MNAT1: variants seen among roughly 807,000 people sequenced by gnomAD.
MNAT1 encodes the protein MNAT1 component of CDK activating kinase, also known as CDK-activating kinase assembly factor MAT1.
MNAT1 carries 43 observed loss-of-function variants against 42.0 expected under a neutral mutation model. The observed-to-expected ratio is 1.02, with a 90% CI of 0.80 to 1.32. The LOEUF (loss-of-function observed/expected upper bound fraction) is 1.32, where lower values mean the gene tolerates loss of function less well. Among genes scored for constraint, MNAT1 ranks in the 40% most tolerant of loss-of-function variants. MNAT1 has a pLI of 0.00. For missense variants in MNAT1, 306 were observed against 350.4 expected, an observed-to-expected ratio of 0.87 and a Z score of 1.01; for synonymous variants, 118 against 120.0, an observed-to-expected ratio of 0.98 and a Z score of 0.11.
intron 7 of MNAT1, among the ~76,000 whole-genome samples, chr14:60,902,400 C>G (rs756192809): frequency 3.9e-5 from 6 of 152,108 alleles, no homozygotes; most frequent in Non-Finnish European, 8.8e-5. Context: ...TAAATTCTGC[C>G]TACTACAAGC....
intron 1 of MNAT1, among the ~76,000 whole-genome samples, chr14:60,741,506 C>G (rs950433504): frequency 6.6e-6 from 1 of 151,812 alleles, no homozygotes; most frequent in South Asian, 2.1e-4. Context: ...ATTACAGGCA[C>G]GGGCCACCAC....
At chr14:60,846,542 G>A (rs865979310) in intron 6 of MNAT1, among the ~76,000 whole-genome samples, 3 of 151,934 alleles carry the variant, frequency 2.0e-5, no homozygotes, top group South Asian at 4.2e-4. Flanking sequence ...CTAAAAATAG[G>A]CATTTAAAGC....
At chr14:60,850,721 CT>C (rs936509264) in intron 6 of MNAT1, among the ~76,000 whole-genome samples, 1 of 152,088 alleles carries the variant, frequency 6.6e-6, no homozygotes, top group Non-Finnish European at 1.5e-5. Context: ...AGATGAGTTC[CT>C]CCATGGATAA....
At chr14:60,918,542 A>G (rs1004501291) in intron 7 of MNAT1, among the ~76,000 whole-genome samples, 2 of 151,172 alleles carry the variant, frequency 1.3e-5, no homozygotes, top group Non-Finnish European at 2.9e-5. Flanking sequence ...CTCCCTTCCA[A>G]ATACCTTTAT....
intron 7 of MNAT1, among the ~76,000 whole-genome samples, chr14:60,938,967 G>T (rs2036072869): frequency 6.6e-6 from 1 of 152,180 alleles, no homozygotes; most frequent in African/African-American, 2.4e-5. Context: ...TTGGGAGGGT[G>T]TATGTGTCAA....
chr14:60,853,128 C>T (rs1011524590), intron 6 of MNAT1, among the ~76,000 whole-genome samples: 1 of 152,138 alleles, frequency 6.6e-6, no homozygotes, highest in African/African-American at 2.4e-5. Context: ...CTATGAATTT[C>T]TTTGGGCAAT....
chr14:60,907,119 A>C (rs561960069), intron 7 of MNAT1, among the ~76,000 whole-genome samples: 1 of 152,176 alleles, frequency 6.6e-6, no homozygotes, highest in African/African-American at 2.4e-5. Flanking sequence ...GTACATTTGA[A>C]GTAAACAGTG....
At chr14:60,855,352 C>T in intron 6 of MNAT1, among the ~76,000 whole-genome samples, 1 of 152,012 alleles carries the variant, frequency 6.6e-6, no homozygotes, top group Non-Finnish European at 1.5e-5. Context: ...CCAGGTGCCA[C>T]TGGGTTATAA....
At chr14:60,750,039 C>G (rs1456322028) in intron 1 of MNAT1, among the ~76,000 whole-genome samples, 1 of 152,074 alleles carries the variant, frequency 6.6e-6, no homozygotes, top group East Asian at 1.9e-4. Context: ...TTTCTGGGCC[C>G]TACCATAGTC....
intron 7 of MNAT1, among the ~76,000 whole-genome samples, chr14:60,903,746 A>G (rs183410667): frequency 6.6e-5 from 10 of 151,962 alleles, no homozygotes; most frequent in African/African-American, 2.4e-4. Context: ...TTTTGGTCAT[A>G]GTCTTTACCT....
At chr14:60,926,485 C>T (rs1162899699) in intron 7 of MNAT1, among the ~76,000 whole-genome samples, 1 of 152,172 alleles carries the variant, frequency 6.6e-6, no homozygotes, top group Non-Finnish European at 1.5e-5. Flanking sequence ...ACAGACCATT[C>T]GTCAGTTTTG....
intron 1 of MNAT1, among the ~76,000 whole-genome samples, chr14:60,745,096 T>C (rs1427239280): frequency 1.3e-5 from 2 of 152,250 alleles, no homozygotes; most frequent in Non-Finnish European, 2.9e-5. Flanking sequence ...TCTGCCTATT[T>C]GGCTTAGCAC....
chr14:60,878,327 G>A (rs573249417), intron 6 of MNAT1, among the ~76,000 whole-genome samples: 5 of 152,106 alleles, frequency 3.3e-5, no homozygotes, highest in East Asian at 1.9e-4. Flanking sequence ...CTATGTCAGC[G>A]AAATCTTTTT....
In MNAT1 at chr14:60,940,216, C is replaced by A. The variant is rs556169942; in HGVS notation, c.810-28013C>A. ...GCCAGTCTGTGTCTTTTAATTGGAG[C>A]ATTTAGCCCATTTACATTTAAGGTT... is the stretch of plus-strand genomic sequence containing the variant. On this transcript the variant is annotated intron_variant, in intron 7 of 7. Coordinates refer to ENST00000261245, the MANE Select transcript of MNAT1 (RefSeq NM_002431.4). Among the ~76,000 whole-genome samples the A allele has an allele frequency of 4.6e-5, 7 of 152,224 alleles. No homozygotes were observed. The East Asian group carries it at 1.4e-3, about 29-fold the overall frequency.
At chr14:60,816,359 T>C (rs1314898072) in intron 5 of MNAT1, among the ~76,000 whole-genome samples, 2 of 152,160 alleles carry the variant, frequency 1.3e-5, no homozygotes, top group Admixed American at 1.3e-4. Flanking sequence ...AAACAGGTCC[T>C]GGCTTATTAA....
chr14:60,910,819 C>T (rs1478401946), intron 7 of MNAT1, among the ~76,000 whole-genome samples: 1 of 152,148 alleles, frequency 6.6e-6, no homozygotes, highest in Non-Finnish European at 1.5e-5. Context: ...GCTTTGGTAC[C>T]AGGATGATGC....
chr14:60,815,871 T>C (rs2032698891), intron 5 of MNAT1, among the ~76,000 whole-genome samples: 2 of 152,204 alleles, frequency 1.3e-5, no homozygotes, highest in Non-Finnish European at 1.5e-5. Context: ...TATTTTTAGA[T>C]TTTGTTATGT....
chr14:60,870,984 A>T (rs886711106), intron 6 of MNAT1, among the ~76,000 whole-genome samples: 1 of 152,188 alleles, frequency 6.6e-6, no homozygotes, highest in African/African-American at 2.4e-5. Context: ...CTAGAAGTGG[A>T]ATCATGTAAT....
At chr14:60,752,515 C>T (rs149100696) in intron 1 of MNAT1, among the ~76,000 whole-genome samples, 2 of 151,980 alleles carry the variant, frequency 1.3e-5, no homozygotes, top group Non-Finnish European at 2.9e-5. Context: ...TAATTTTTAT[C>T]TTCTTATTTG....
Sources: gnomAD v4.1 joint callset for allele counts (sites outside exome capture counted in the v4.1 genomes callset) on GRCh38, gnomAD v4.1.1 for gene constraint, MANE v1.5 for transcripts, NCBI Gene and HGNC (gene_info 2026-07-23, HGNC 2026-07-21) for gene names.